MB21D2: variants seen among roughly 807,000 people sequenced by gnomAD.
The protein encoded by MB21D2 is Mab-21 domain containing 2, also known as nucleotidyltransferase MB21D2.
A neutral mutation model predicts 33.3 loss-of-function variants in MB21D2; 9 were observed. That is an observed-to-expected ratio of 0.27 (90% CI 0.16 to 0.47). The LOEUF is 0.47. Ranked by LOEUF, MB21D2 falls within the 20% of genes least tolerant of loss-of-function variation. The pLI, the probability that MB21D2 is intolerant of heterozygous loss-of-function variation, is 0.99. For synonymous variants in MB21D2, 241 were observed against 236.3 expected, an observed-to-expected ratio of 1.02 and a Z score of -0.18; for missense variants, 540 against 624.6, an observed-to-expected ratio of 0.86 and a Z score of 1.44.
intron 1 of MB21D2, among the ~76,000 whole-genome samples, chr3:192,863,516 T>C (rs1407629098): frequency 6.6e-6 from 1 of 152,210 alleles, no homozygotes; most frequent in Non-Finnish European, 1.5e-5. Context: ...TTTTAACTCA[T>C]TCATACACTT....
At chr3:192,843,038 AG>A (rs1712607894) in intron 1 of MB21D2, among the ~76,000 whole-genome samples, 1 of 152,226 alleles carries the variant, frequency 6.6e-6, no homozygotes, top group Non-Finnish European at 1.5e-5. Context: ...GTGCCCAGCT[AG>A]CTTAGAATGC....
intron 1 of MB21D2, among the ~76,000 whole-genome samples, chr3:192,844,585 T>C (rs1460022951): frequency 6.6e-6 from 1 of 152,208 alleles, no homozygotes; most frequent in African/African-American, 2.4e-5. Context: ...ACATGTCTCC[T>C]GATATCTCTC....
Position 192,869,180 on chromosome 3 carries a change from CG to C in MB21D2, c.211+48449del, listed in dbSNP as rs200270733. Among the ~76,000 whole-genome samples, 74 of 151,082 alleles carry C rather than the reference CG, an allele frequency of 4.9e-4. 1 individual carries two copies. The East Asian group carries it at 0.011, about 23-fold the overall frequency. ...CTGAGTCAGAAGAATTGCTTGAGCC[CG>C]GGAGGCAGAGACTGCAGTGAGCCAA... On this transcript the variant is annotated intron_variant, in intron 1 of 1. Coordinates refer to ENST00000392452, the MANE Select transcript of MB21D2 (RefSeq NM_178496.4).
At chr3:192,901,916 G>T (rs538955467) in intron 1 of MB21D2, among the ~76,000 whole-genome samples, 8 of 152,146 alleles carry the variant, frequency 5.3e-5, no homozygotes, top group Admixed American at 2.0e-4. Flanking sequence ...GAGTGTGGGG[G>T]GAAAGCCTGC....
chr3:192,811,828 T>A (rs1198485767), intron 1 of MB21D2, among the ~76,000 whole-genome samples: 1 of 152,114 alleles, frequency 6.6e-6, no homozygotes, highest in East Asian at 1.9e-4. Context: ...GAACCAACCA[T>A]CAGAGTGGAG....
At chr3:192,833,502 T>C (rs1712365880) in intron 1 of MB21D2, among the ~76,000 whole-genome samples, 1 of 152,234 alleles carries the variant, frequency 6.6e-6, no homozygotes, top group Admixed American at 6.5e-5. Context: ...CAGAAATTCA[T>C]CCTTGACCTA....
At chr3:192,900,640 C>T (rs1254736736) in intron 1 of MB21D2, among the ~76,000 whole-genome samples, 46 of 151,958 alleles carry the variant, frequency 3.0e-4, no homozygotes, top group Non-Finnish European at 1.8e-4. Flanking sequence ...TCCTATGGCC[C>T]CATAGAAGAC....
intron 1 of MB21D2, among the ~76,000 whole-genome samples, chr3:192,886,201 A>G (rs560831469): frequency 2.6e-4 from 40 of 151,858 alleles, no homozygotes; most frequent in African/African-American, 9.0e-4. Flanking sequence ...CTCGTGATCC[A>G]CTCGCCTTGG....
chr3:192,801,966 T>C (rs970377689), intron 1 of MB21D2, among the ~76,000 whole-genome samples: 7 of 152,238 alleles, frequency 4.6e-5, no homozygotes, highest in African/African-American at 9.6e-5. Context: ...GCCAACATTA[T>C]AGTGTCAACA....
intron 1 of MB21D2, among the ~76,000 whole-genome samples, chr3:192,911,580 T>C (rs1714353886): frequency 6.6e-6 from 1 of 152,196 alleles, no homozygotes; most frequent in Non-Finnish European, 1.5e-5. Flanking sequence ...TAGGTCTGAA[T>C]GGGACCAGAG....
intron 1 of MB21D2, among the ~76,000 whole-genome samples, chr3:192,864,274 C>A (rs1334141323): frequency 6.6e-6 from 1 of 152,116 alleles, no homozygotes; most frequent in Non-Finnish European, 1.5e-5. Flanking sequence ...GAGGGAAGGA[C>A]AAGAAATAAA....
chr3:192,842,258 C>T (rs75713363), intron 1 of MB21D2, among the ~76,000 whole-genome samples: 3,392 of 152,340 alleles, frequency 0.022, 135 homozygotes, highest in East Asian at 0.15. Context: ...TGGTCTACCA[C>T]GTTGAACACT....
intron 1 of MB21D2, among the ~76,000 whole-genome samples, chr3:192,904,859 C>T (rs1413746736): frequency 6.6e-6 from 1 of 152,232 alleles, no homozygotes; most frequent in Non-Finnish European, 1.5e-5. Flanking sequence ...CCACCACACT[C>T]ATCTTCCTTA....
intron 1 of MB21D2, among the ~76,000 whole-genome samples, chr3:192,854,718 G>C (rs1015420200): frequency 1.3e-5 from 2 of 152,194 alleles, no homozygotes; most frequent in African/African-American, 4.8e-5. Context: ...AATGCAGCTG[G>C]TGACTTTAAA....
chr3:192,865,956 G>T (rs2108635561), intron 1 of MB21D2, among the ~76,000 whole-genome samples: 1 of 152,180 alleles, frequency 6.6e-6, no homozygotes, highest in African/African-American at 2.4e-5. Context: ...GAGGCGGGAG[G>T]ATTGCTGGGG....
chr3:192,892,276 T>G (rs1713867914), intron 1 of MB21D2, among the ~76,000 whole-genome samples: 1 of 152,088 alleles, frequency 6.6e-6, no homozygotes, highest in African/African-American at 2.4e-5. Flanking sequence ...GACTGGGAGT[T>G]CAGATAATTT....
At chr3:192,831,794 A>G (rs1712320499) in intron 1 of MB21D2, among the ~76,000 whole-genome samples, 1 of 152,218 alleles carries the variant, frequency 6.6e-6, no homozygotes, top group Non-Finnish European at 1.5e-5. Context: ...CTACACAGAG[A>G]TGGTGTAAGG....
rs1013165486 is a variant in MB21D2, at chr3:192,851,274, T to G, written c.212-51624A>C. Among the ~76,000 whole-genome samples, 3 of 152,148 alleles carry G rather than the reference T, an allele frequency of 2.0e-5. No individual in the cohort carries two copies. In the East Asian group the frequency reaches 5.8e-4, roughly 29 times the overall value. The stretch of plus-strand genomic sequence containing the variant: ...CACAAAAGGCCACCTATTATGCAAT[T>G]CCATTTATATGAAATGTCCAGAATA... On this transcript the variant is annotated intron_variant, in intron 1 of 1. Coordinates refer to ENST00000392452, the MANE Select transcript of MB21D2 (RefSeq NM_178496.4).
At chr3:192,827,299 T>C (rs1364444901) in intron 1 of MB21D2, among the ~76,000 whole-genome samples, 4 of 152,126 alleles carry the variant, frequency 2.6e-5, no homozygotes, top group Admixed American at 1.3e-4. Context: ...AACTTATAAA[T>C]AGAACTTGAT....
Sources: allele counts gnomAD v4.1 joint callset (sites outside exome capture counted in the v4.1 genomes callset), GRCh38; gene constraint gnomAD v4.1.1; transcripts MANE v1.5; gene names NCBI Gene and HGNC (gene_info 2026-07-23, HGNC 2026-07-21).